Variants in ADAM17 observed in about 807,000 individuals in gnomAD.
ADAM17 encodes disintegrin and metalloproteinase domain-containing protein 17.
Under a neutral mutation model 96.7 loss-of-function variants are expected in ADAM17, and 39 were observed. That is an observed-to-expected ratio of 0.40 (90% confidence interval 0.31 to 0.53). The LOEUF (loss-of-function observed/expected upper bound fraction) is 0.53. Ranked by LOEUF, ADAM17 falls within the 20% of genes least tolerant of loss-of-function variation. ADAM17 has a pLI of 0.44. For missense variants in ADAM17, 777 were observed against 1,013.2 expected, an observed-to-expected ratio of 0.77 and a Z score of 3.17; for synonymous variants, 344 against 359.2, an observed-to-expected ratio of 0.96 and a Z score of 0.48.
Position 9,543,725 on chromosome 2 carries a change from C to T in ADAM17, c.98-440G>A, listed in dbSNP as rs78460739. On this transcript the variant is annotated intron_variant, in intron 1 of 18. Transcript: ENST00000310823. ...GTGTGGAAGCTAAAAAAGTGGATCT[C>T]GTGGAGGTAGACAGCAGAATGGTGG... Among the ~76,000 whole-genome samples, 1,241 of 152,168 alleles carry T rather than the reference C, an allele frequency of 8.2e-3. 9 individuals carry two copies. The highest frequency in any genetic ancestry group is 0.014 in the Middle Eastern group (4 of 294).
At chr2:9,521,073 G>A (rs1664289964) in intron 8 of ADAM17, 130 bp downstream of exon 8, 12 of 624,844 alleles carry the variant, frequency 1.9e-5, no homozygotes, top group Non-Finnish European at 3.1e-5. Context: ...GGTTACTGCT[G>A]GATCAGCTGG....
chr2:9,527,637 G>T (rs1394078671), intron 5 of ADAM17, 149 bp downstream of exon 5: 1 of 482,050 alleles, frequency 2.1e-6, no homozygotes. Flanking sequence ...AAAAGAAGAT[G>T]AAAATTTCTG....
intron 4 of ADAM17, 38 bp downstream of exon 4, chr2:9,535,796 A>C: frequency 7.5e-7 from 1 of 1,335,868 alleles, no homozygotes; most frequent in Non-Finnish European, 1.1e-6. Flanking sequence ...AAAATCAGAG[A>C]TATAAGCTAC....
At chr2:9,535,745 T>C in intron 4 of ADAM17, 89 bp downstream of exon 4, 1 of 752,876 alleles carries the variant, frequency 1.3e-6, no homozygotes, top group South Asian at 2.2e-5. Flanking sequence ...AAGAAATAAG[T>C]ATAATTACTT....
chr2:9,505,036 G>A lies in ADAM17; in HGVS notation c.1544+130C>T, dbSNP rs981393086. On this transcript the variant is annotated intron_variant, in intron 12 of 18. Coordinates refer to ENST00000310823, the MANE Select transcript of ADAM17 (RefSeq NM_003183.6). ...CAATTTCTTGCTGTGAAGGGCAAAA[G>A]AGGTAGATGTAAACAAACACACTCA... The A allele has an allele frequency of 3.8e-5, 39 of 1,021,032 alleles. No individual in the cohort carries two copies. In the African/African-American group the frequency reaches 4.3e-4, roughly 11 times the overall value. The allele number at this position is 1,021,032 out of a possible 1,614,324, so 63.2% of individuals were successfully genotyped here. A position where few individuals can be genotyped will look rare whatever the true frequency, so the allele number is the denominator to read the frequency against.
At position 9,489,997 on chromosome 2, in the gene ADAM17, C is replaced by G. The variant is rs1255898184; in HGVS notation, c.*180G>C. On this transcript the variant is annotated 3_prime_UTR_variant, in exon 19 of 19. Coordinates refer to ENST00000310823, the MANE Select transcript of ADAM17 (RefSeq NM_003183.6). Reference sequence around the variant, plus strand: ...TAAGCTAGATTCACCTTCACCTTACCTTTTCAAAAGGAGAAGGGCCAAACC... The same window carrying G: ...TAAGCTAGATTCACCTTCACCTTACGTTTTCAAAAGGAGAAGGGCCAAACC... 1.8e-6 allele frequency: 1 copy of G among 556,858 alleles called. No homozygotes were observed. The highest frequency in any genetic ancestry group is 2.8e-5 in the East Asian group (1 of 35,488). The allele number at this position is 556,858 out of a possible 1,614,324, so 34.5% of individuals were successfully genotyped here. A position where few individuals can be genotyped will look rare whatever the true frequency, so the allele number is the denominator to read the frequency against.
Position 9,510,072 on chromosome 2 carries a change from C to T in ADAM17, c.1251G>A (p.Pro417=), listed in dbSNP as rs767940322. 1.5e-5 allele frequency: 24 copies of T among 1,614,114 alleles called. 1 individual carries two copies. The highest frequency in any genetic ancestry group is 3.3e-5 in the South Asian group (3 of 91,082). ...TCGGGGCACATTCTGCTAGACCATCCGGATCATGTTCTGCTCCAAAATTAT... is the reference window on the plus strand; with the variant it reads ...TCGGGGCACATTCTGCTAGACCATCTGGATCATGTTCTGCTCCAAAATTAT... The part of the protein sequence containing the change: ...LGHNFGAEHD[P]DGLAECAPNE... The change falls in exon 11 of 19, where the codon CCG becomes CCA. Residue 417 remains proline (P), a synonymous_variant. Coordinates refer to ENST00000310823, the MANE Select transcript of ADAM17 (RefSeq NM_003183.6).
chr2:9,517,352 A>C (rs1241801326), intron 10 of ADAM17, among the ~76,000 whole-genome samples: 2 of 152,382 alleles, frequency 1.3e-5, no homozygotes, highest in Admixed American at 1.3e-4. Flanking sequence ...ATTCTTTAGA[A>C]GCAACATGCA....
At chr2:9,506,372 T>G (rs1488405693) in intron 11 of ADAM17, among the ~76,000 whole-genome samples, 6 of 145,008 alleles carry the variant, frequency 4.1e-5, no homozygotes, top group Non-Finnish European at 6.0e-5. Flanking sequence ...TTTTTTTTTT[T>G]TTTTTTTTTT....
rs530963981 is a variant in ADAM17, at chr2:9,494,691, C to A, written c.1860G>T (p.Lys620Asn). The change falls in exon 15 of 19, where the codon AAG (lysine) becomes AAT (asparagine). Residue 620 changes from lysine to asparagine, a missense_variant. Transcript: ENST00000310823. ...GCTTTCCTTTCCTCAAAAATAAGTTCTTTTGTTCAGCATCGACATAGGGCA... is the reference window on the plus strand; with the variant it reads ...GCTTTCCTTTCCTCAAAAATAAGTTATTTTGTTCAGCATCGACATAGGGCA... ...RCVPYVDAEQ[K>N]NLFLRKGKPC... The A allele has an allele frequency of 1.1e-5, 18 of 1,613,914 alleles. No individual in the cohort carries two copies. Among genetic ancestry groups the A allele is most frequent in the African/African-American group, 6.7e-5 (5 of 74,892 alleles).
intron 4 of ADAM17, among the ~76,000 whole-genome samples, chr2:9,528,321 T>C (rs1484288466): frequency 2.0e-5 from 3 of 152,218 alleles, no homozygotes; most frequent in African/African-American, 7.2e-5. Flanking sequence ...GTGATGGTGC[T>C]ATAGTAATGA....
chr2:9,526,668 C>T (rs1223821402), intron 5 of ADAM17, among the ~76,000 whole-genome samples: 3 of 152,006 alleles, frequency 2.0e-5, no homozygotes, highest in Non-Finnish European at 2.9e-5. Context: ...TGGTGGCACC[C>T]GCCTGTAATC....
At chr2:9,524,000 G>A (rs1664417558) in intron 6 of ADAM17, among the ~76,000 whole-genome samples, 1 of 149,068 alleles carries the variant, frequency 6.7e-6, no homozygotes, top group South Asian at 2.1e-4. Flanking sequence ...TCAGCCTCCT[G>A]AGTAACAGAA....
At chr2:9,522,599 T>C (rs532651132) in intron 7 of ADAM17, among the ~76,000 whole-genome samples, 1 of 152,282 alleles carries the variant, frequency 6.6e-6, no homozygotes, top group African/African-American at 2.4e-5. Context: ...CTTATAAAAA[T>C]ATGGTTTACT....
rs571393358 is a variant in ADAM17 at position 9,538,814 on chromosome 2, A to AG, written c.231-1987dup. Among the ~76,000 whole-genome samples the AG allele has an allele frequency of 4.4e-3, 664 of 152,280 alleles. 5 individuals carry two copies. Among genetic ancestry groups the AG allele is most frequent in the African/African-American group, 0.015 (642 of 41,550 alleles). On this transcript the variant is annotated intron_variant, in intron 2 of 18. Coordinates refer to ENST00000310823, the MANE Select transcript of ADAM17 (RefSeq NM_003183.6). ...AAATTATGTGAAGTCATTTTCTTAC[A>AG]GATTTCTTTAACGTTTTATCTTTCT...
intron 13 of ADAM17, among the ~76,000 whole-genome samples, chr2:9,501,221 T>TGTAA (rs924669541): frequency 6.6e-6 from 1 of 150,946 alleles, no homozygotes; most frequent in Admixed American, 6.6e-5. Flanking sequence ...TCAAGAAAAA[T>TGTAA]GTAAGTAAGT....
At chr2:9,503,535 T>A (rs555326737) in intron 12 of ADAM17, among the ~76,000 whole-genome samples, 3 of 152,216 alleles carry the variant, frequency 2.0e-5, no homozygotes, top group Non-Finnish European at 4.4e-5. Flanking sequence ...ATCTTATCTC[T>A]GTTGCCCAAA....
chr2:9,515,253 T>A (rs939292709), intron 10 of ADAM17, among the ~76,000 whole-genome samples: 6 of 152,234 alleles, frequency 3.9e-5, no homozygotes, highest in Non-Finnish European at 8.8e-5. Context: ...TTTGGAATCA[T>A]ATAGTATGTA....
chr2:9,504,315 C>G (rs1663231695), intron 12 of ADAM17, among the ~76,000 whole-genome samples: 1 of 151,814 alleles, frequency 6.6e-6, no homozygotes, highest in South Asian at 2.1e-4. Flanking sequence ...CGTGATGGTG[C>G]GTACCTGTAG....
Sources: allele counts gnomAD v4.1 joint callset (sites outside exome capture counted in the v4.1 genomes callset), GRCh38; gene constraint gnomAD v4.1.1; transcripts MANE v1.5; gene names NCBI Gene and HGNC (gene_info 2026-07-23, HGNC 2026-07-21).